Variants in NOL8 observed in about 807,000 individuals in gnomAD.
NOL8 encodes the protein nucleolar protein Nop132.
NOL8 carries 93 observed loss-of-function variants against 116.1 expected under a neutral mutation model. That is an observed-to-expected ratio of 0.80 (90% CI 0.68 to 0.95). NOL8 has a LOEUF of 0.95. NOL8 is among the 40% of genes least tolerant of loss of function. NOL8 has a pLI of 0.00. For missense variants in NOL8, 1,291 were observed against 1,382.8 expected, an observed-to-expected ratio of 0.93 and a Z score of 1.05; for synonymous variants, 419 against 469.0, an observed-to-expected ratio of 0.89 and a Z score of 1.38.
chr9:92,318,779 G>A, intron 5 of NOL8, 93 bp from the exon 6 acceptor site: 1 of 763,672 alleles, frequency 1.3e-6, no homozygotes, highest in Non-Finnish European at 2.0e-6. Context: ...AAAAATCAGT[G>A]GGCTATGATT....
In NOL8 at chr9:92,325,342, C is replaced by A. The variant is rs556440327; in HGVS notation, c.-85G>T. 1 of 152,638 alleles carries A rather than the reference C, an allele frequency of 6.6e-6. No individual in the cohort carries two copies. Among genetic ancestry groups the A allele is most frequent in the East Asian group, 1.9e-4 (1 of 5,178 alleles). 9.5% of individuals were successfully genotyped at this position (152,638 alleles called of 1,614,324 possible). The stretch of plus-strand genomic sequence containing the variant: ...CCTAAAGCCAGCGCCGCTGCAGCCC[C>A]TAACTTCTGGTCACGTGTCCCAACG... On this transcript the variant is annotated 5_prime_UTR_variant, in exon 1 of 17. It adds an upstream start codon to the 5' untranslated region. Coordinates refer to ENST00000442668, the MANE Select transcript of NOL8 (RefSeq NM_017948.6).
Position 92,316,150 on chromosome 9 carries a change from C to T in NOL8, c.487-12G>A. ...TCATATTTGATGATGTTACGCAAGT[C>T]AAGAAACAAAACTAAAGCACTTGGT... On this transcript the variant is annotated splice_polypyrimidine_tract_variant and intron_variant, in intron 6 of 16. Coordinates refer to ENST00000442668, the MANE Select transcript of NOL8 (RefSeq NM_017948.6). The T allele has an allele frequency of 1.3e-6, 2 of 1,596,770 alleles. No individual in the cohort carries two copies. The highest frequency in any genetic ancestry group is 2.2e-5 in the South Asian group (2 of 89,166).
At chr9:92,310,747 T>C in intron 8 of NOL8, 72 bp from the exon 9 acceptor site, 1 of 1,480,806 alleles carries the variant, frequency 6.8e-7, no homozygotes, top group Non-Finnish European at 9.0e-7. Flanking sequence ...CGTAATCTTC[T>C]CCCTCACATT....
Position 92,321,725 on chromosome 9 carries a change from GT to G in NOL8, c.223del (p.Thr75GlnfsTer12). ...LKKCMSVLNK[T>X]KWKGGTLQIQ... ...TTGTAATGTTCCACCTTTCCATTTT[GT>G]TTTATTTAAAACAGACATACCTATA... On this transcript the variant is annotated frameshift_variant, in exon 4 of 17. Coordinates refer to ENST00000442668, the MANE Select transcript of NOL8 (RefSeq NM_017948.6). LOFTEE classifies it high-confidence loss of function. The G allele has an allele frequency of 1.3e-6, 2 of 1,513,890 alleles. No individual in the cohort carries two copies. The highest frequency in any genetic ancestry group is 2.2e-5 in the Admixed American group (1 of 44,504). The allele number at this position is 1,513,890 out of a possible 1,614,324, so 93.8% of individuals were successfully genotyped here. A position where few individuals can be genotyped will look rare whatever the true frequency, so the allele number is the denominator to read the frequency against.
rs766862262 is a variant in NOL8 at position 92,316,010 on chromosome 9, T to C, written c.615A>G (p.Lys205=). 1 of 1,613,830 alleles carries C rather than the reference T, an allele frequency of 6.2e-7. No homozygotes were observed. The highest frequency in any genetic ancestry group is 1.3e-5 in the African/African-American group (1 of 74,908). ...LEGGNDPMSK[K]RRGEFSDFHG... ...GAAAGTCAGAGAACTCTCCTCGCCG[T>C]TTCTTACTCATAGGGTCATTCCCTC... Residue 205 remains lysine, a synonymous_variant, in exon 7 of 17, where the codon AAA becomes AAG. Coordinates refer to ENST00000442668, the MANE Select transcript of NOL8 (RefSeq NM_017948.6).
At chr9:92,318,778 T>TG (rs1248224173) in intron 5 of NOL8, 92 bp from the exon 6 acceptor site, 26 of 766,480 alleles carry the variant, frequency 3.4e-5, no homozygotes, top group Middle Eastern at 5.2e-4. Flanking sequence ...AAAAAATCAG[T>TG]GGGCTATGAT....
In NOL8 at chr9:92,298,280, C is replaced by T. The variant is rs777197319; in HGVS notation, c.3430G>A (p.Ala1144Thr). The change falls in exon 16 of 17, where the codon GCC becomes ACC. Residue 1144 changes from alanine to threonine, a missense_variant. Physicochemically the swap from Ala to Thr is moderately conservative, Grantham distance 58. Coordinates refer to ENST00000442668, the MANE Select transcript of NOL8 (RefSeq NM_017948.6). Reference protein sequence around the residue: ...GSNMSRNSWEARTTNLRMDCR... With the variant: ...GSNMSRNSWETRTTNLRMDCR... The stretch of plus-strand genomic sequence containing the variant: ...ACCATACGCAGGTTGGTTGTTCTGG[C>T]CTCCCAAGAGTTCCTGCTCATATTA... 5.8e-5 allele frequency: 93 copies of T among 1,608,608 alleles called. No homozygotes were observed. Among genetic ancestry groups the T allele is most frequent in the Non-Finnish European group, 7.0e-5 (82 of 1,177,544 alleles).
Position 92,298,252 on chromosome 9 carries a change from C to A in NOL8, c.3453+5G>T, listed in dbSNP as rs1204839549. The A allele has an allele frequency of 6.3e-6, 10 of 1,590,392 alleles. No homozygotes were observed. The highest frequency in any genetic ancestry group is 1.7e-4 in the Middle Eastern group (1 of 6,048). ...AGGAAATAATATGGAGAAACAATTA[C>A]TCACCATACGCAGGTTGGTTGTTCT... On this transcript the variant is annotated splice_donor_5th_base_variant and intron_variant, in intron 16 of 16. Transcript: ENST00000442668.
rs35121624 is a variant in NOL8 at position 92,297,891 on chromosome 9, GA to G, written c.3454-6del. On this transcript the variant is annotated splice_region_variant and splice_polypyrimidine_tract_variant and intron_variant, in intron 16 of 16. Coordinates refer to ENST00000442668, the MANE Select transcript of NOL8 (RefSeq NM_017948.6). ...TTTATGTTTCTTTCGACAATCCTAG[GA>G]AAAAAAAAAGACTTGGTTAGCAATA... is the stretch of plus-strand genomic sequence containing the variant. The G allele has an allele frequency of 1.3e-3, 1,836 of 1,380,170 alleles. 1 individual carries two copies. Among genetic ancestry groups the G allele is most frequent in the Admixed American group, 4.3e-3 (172 of 40,070 alleles). The allele number at this position is 1,380,170 out of a possible 1,614,324, so 85.5% of individuals were successfully genotyped here. A position where few individuals can be genotyped will look rare whatever the true frequency, so the allele number is the denominator to read the frequency against.
rs1361000553 is a variant in NOL8 at position 92,321,503 on chromosome 9, G to A, written c.281+165C>T. Among the ~76,000 whole-genome samples the A allele has an allele frequency of 3.3e-5, 5 of 151,858 alleles. 1 individual carries two copies. Among genetic ancestry groups the A allele is most frequent in the Non-Finnish European group, 5.9e-5 (4 of 67,960 alleles). ...ATGCATGAAATTATCCTTTTTGTTC[G>A]TCTGGGGTGAAGGGGATTCAGAGTT... On this transcript the variant is annotated intron_variant, in intron 4 of 16. Transcript: ENST00000442668.
intron 4 of NOL8, chr9:92,320,003 G>C: frequency 2.2e-6 from 1 of 450,816 alleles, no homozygotes; most frequent in Non-Finnish European, 4.5e-6. Context: ...ACCATGGATC[G>C]CAAGTTCTCT....
intron 4 of NOL8, 143 bp from the exon 5 acceptor site, chr9:92,319,499 G>A: frequency 1.4e-6 from 1 of 713,568 alleles, no homozygotes; most frequent in Non-Finnish European, 2.1e-6. Context: ...TGCTTTCTTA[G>A]TAGCATAATA....
rs1008261947 is a variant in NOL8 at position 92,314,257 on chromosome 9, A to T, written c.2358+10T>A. The T allele has an allele frequency of 3.9e-6, 6 of 1,547,866 alleles. No individual in the cohort carries two copies. Among genetic ancestry groups the T allele is most frequent in the Non-Finnish European group, 4.4e-6 (5 of 1,147,304 alleles). On this transcript the variant is annotated intron_variant, in intron 7 of 16. Coordinates refer to ENST00000442668, the MANE Select transcript of NOL8 (RefSeq NM_017948.6). Reference sequence around the variant, plus strand: ...TTCTTGTTAAATCCATACATTGAAAATATACTCACCAAATTTGCCAGAGCA... The same window carrying T: ...TTCTTGTTAAATCCATACATTGAAATTATACTCACCAAATTTGCCAGAGCA...
At chr9:92,312,827 C>CAAAAAAAAA (rs35089570) in intron 7 of NOL8, among the ~76,000 whole-genome samples, 1 of 55,460 alleles carries the variant, frequency 1.8e-5, no homozygotes, top group African/African-American at 7.8e-5. Context: ...AACTCCATCT[C>CAAAAAAAAA]AAAAAAAAAA....
In NOL8 at chr9:92,307,006, GT is replaced by G. The variant is rs1838325194; in HGVS notation, c.2704del (p.Thr902LeufsTer15). 6.2e-7 allele frequency: 1 copy of G among 1,610,220 alleles called. No homozygotes were observed. Among genetic ancestry groups the G allele is most frequent in the Non-Finnish European group, 8.5e-7 (1 of 1,179,158 alleles). ...TTCAGCAAGCTCTTCTTCCTCAGCA[GT>G]TTTCTTTTCATTTACCTCTTTGAGG... ...EEQEEVNEKK[T>X]AEEEELAEEK... On this transcript the variant is annotated frameshift_variant, in exon 11 of 17. Transcript: ENST00000442668. LOFTEE classifies it high-confidence loss of function.
At position 92,314,395 on chromosome 9, in the gene NOL8, T is replaced by C; in HGVS notation, c.2230A>G (p.Asn744Asp). 1 of 1,613,654 alleles carries C rather than the reference T, an allele frequency of 6.2e-7. No individual in the cohort carries two copies. The highest frequency in any genetic ancestry group is 8.5e-7 in the Non-Finnish European group (1 of 1,179,588). ...IKTDFSLSISNSSDVSAKDKH... is the reference protein window; with the variant it reads ...IKTDFSLSISDSSDVSAKDKH... ...TCTTTAGCACTCACATCTGACGAAT[T>C]ACTAATAGAAAGTGAGAAATCAGTT... Residue 744 changes from asparagine (N) to aspartate (D), a missense_variant, in exon 7 of 17, where the codon AAT (asparagine) becomes GAT (aspartate). Asn to Asp is a conservative substitution (Grantham distance 23). Coordinates refer to ENST00000442668, the MANE Select transcript of NOL8 (RefSeq NM_017948.6).
intron 6 of NOL8, among the ~76,000 whole-genome samples, chr9:92,317,106 C>T (rs1161721970): frequency 6.6e-6 from 1 of 152,150 alleles, no homozygotes; most frequent in Non-Finnish European, 1.5e-5. Flanking sequence ...GCATGTGCCA[C>T]CGGGCCCAGC....
chr9:92,316,417 A>G (rs1028438443), intron 6 of NOL8, among the ~76,000 whole-genome samples: 2 of 152,202 alleles, frequency 1.3e-5, no homozygotes, highest in Non-Finnish European at 2.9e-5. Context: ...AGATTATATT[A>G]TAGGTACACA....
Position 92,314,310 on chromosome 9 carries a change from T to C in NOL8, c.2315A>G (p.Lys772Arg), listed in dbSNP as rs1489829931. Reference sequence around the variant, plus strand: ...ATGCACCAGCTTCTTCTGCACTTCTTTTGCTTTTTGCCTCGCTTCCAAGGC... The same window carrying C: ...ATGCACCAGCTTCTTCTGCACTTCTCTTGCTTTTTGCCTCGCTTCCAAGGC... ...LAALEARQKA[K>R]EVQKKLVHNA... The change falls in exon 7 of 17, where the codon AAA becomes AGA. Residue 772 changes from lysine to arginine, a missense_variant. Transcript: ENST00000442668. The C allele has an allele frequency of 6.2e-7, 1 of 1,601,486 alleles. No individual in the cohort carries two copies. The highest frequency in any genetic ancestry group is 1.3e-5 in the African/African-American group (1 of 74,540).
Sources: gnomAD v4.1 joint callset for allele counts (sites outside exome capture counted in the v4.1 genomes callset) on GRCh38, gnomAD v4.1.1 for gene constraint, MANE v1.5 for transcripts, NCBI Gene and HGNC (gene_info 2026-07-23, HGNC 2026-07-21) for gene names.